The following SLC8A1 variants were observed in gnomAD, a reference collection of about 807,000 sequenced individuals.
SLC8A1 encodes sodium/calcium exchanger 1.
SLC8A1 carries 18 observed loss-of-function variants against 68.3 expected under a neutral mutation model. That is an observed-to-expected ratio of 0.26 (90% CI 0.18 to 0.39). The LOEUF (loss-of-function observed/expected upper bound fraction) is 0.39, where lower values mean the gene tolerates loss of function less well. SLC8A1 is among the 10% of genes least tolerant of loss of function. SLC8A1 has a pLI of 1.00. For missense variants in SLC8A1, 985 were observed against 1,156.7 expected (o/e 0.85, Z 2.15); for synonymous variants, 475 against 415.5 (o/e 1.14, Z -1.74).
At position 40,475,327 on chromosome 2, in the gene SLC8A1, G is replaced by C. The variant is rs184639882; in HGVS notation, c.-25+37022C>G. ...TTTTTGCATTTTTAGTAGAAATGGG[G>C]TTTCACCGTGTTAGCCAGGATGGTC... On this transcript the variant is annotated intron_variant, in intron 1 of 7. Coordinates refer to the SLC8A1 transcript ENST00000402441. Among the ~76,000 whole-genome samples, 580 of 151,938 alleles carry C rather than the reference G, an allele frequency of 3.8e-3. 3 individuals carry two copies. The highest frequency in any genetic ancestry group is 0.013 in the African/African-American group (556 of 41,442).
intron 7 of SLC8A1, among the ~76,000 whole-genome samples, chr2:40,121,727 C>A (rs183623879): frequency 6.6e-6 from 1 of 152,226 alleles, no homozygotes; most frequent in African/African-American, 2.4e-5. Flanking sequence ...TTTTATAATA[C>A]AACAGAGCCA....
intron 2 of SLC8A1, among the ~76,000 whole-genome samples, chr2:40,419,627 G>A (rs1353459952): frequency 6.6e-6 from 1 of 152,058 alleles, no homozygotes; most frequent in Non-Finnish European, 1.5e-5. Context: ...ACACTGAACT[G>A]AATAGCTCAT....
At chr2:40,408,694 A>G (rs1691146954) in intron 2 of SLC8A1, among the ~76,000 whole-genome samples, 1 of 152,190 alleles carries the variant, frequency 6.6e-6, no homozygotes, top group African/African-American at 2.4e-5. Flanking sequence ...CACACACAAC[A>G]GTGGTAAAAC....
chr2:40,164,089 T>A (rs2046138712), intron 5 of SLC8A1, among the ~76,000 whole-genome samples: 1 of 152,162 alleles, frequency 6.6e-6, no homozygotes, highest in Non-Finnish European at 1.5e-5. Flanking sequence ...CATATCCCAC[T>A]GCAGAACTGA....
At chr2:40,411,747 G>C (rs932730514) in intron 2 of SLC8A1, among the ~76,000 whole-genome samples, 1 of 151,854 alleles carries the variant, frequency 6.6e-6, no homozygotes, top group African/African-American at 2.4e-5. Flanking sequence ...TCACAAAAAA[G>C]CAAGAGTAAA....
At chr2:40,436,484 C>G (rs747383521) in intron 1 of SLC8A1, among the ~76,000 whole-genome samples, 5 of 152,160 alleles carry the variant, frequency 3.3e-5, no homozygotes, top group Non-Finnish European at 7.4e-5. Flanking sequence ...GCTGGAAAGA[C>G]TGATCTCCAG....
chr2:40,123,929 C>G (rs2037489608), intron 7 of SLC8A1, among the ~76,000 whole-genome samples: 1 of 152,210 alleles, frequency 6.6e-6, no homozygotes, highest in South Asian at 2.1e-4. Context: ...TCCTCTGACT[C>G]GCTTCTCCTC....
chr2:40,458,451 A>T (rs1703152757), intron 1 of SLC8A1, among the ~76,000 whole-genome samples: 2 of 152,194 alleles, frequency 1.3e-5, no homozygotes, highest in South Asian at 4.2e-4. Context: ...CGTCCCCTGT[A>T]AGGGGACTGG....
intron 1 of SLC8A1, among the ~76,000 whole-genome samples, chr2:40,511,101 G>C (rs1706696315): frequency 6.6e-6 from 1 of 152,086 alleles, no homozygotes; most frequent in Non-Finnish European, 1.5e-5. Flanking sequence ...TCCATGTCAT[G>C]TCTGTCATCA....
intron 2 of SLC8A1, among the ~76,000 whole-genome samples, chr2:40,341,370 T>G (rs1045831626): frequency 6.6e-6 from 1 of 152,214 alleles, no homozygotes; most frequent in African/African-American, 2.4e-5. Context: ...AACTTGGCCC[T>G]GACTAACTTC....
chr2:40,387,893 T>C (rs1424013818), intron 2 of SLC8A1, among the ~76,000 whole-genome samples: 2 of 136,214 alleles, frequency 1.5e-5, no homozygotes, highest in African/African-American at 2.8e-5. Flanking sequence ...GCCGAAATCA[T>C]GCCACTGCAC....
chr2:40,383,620 A>T (rs373662400), intron 2 of SLC8A1, among the ~76,000 whole-genome samples: 216 of 152,266 alleles, frequency 1.4e-3, no homozygotes, highest in African/African-American at 4.8e-3. Flanking sequence ...AATCTTAGAT[A>T]AAAAAATTTG....
At chr2:40,120,543 G>A (rs924188301) in intron 7 of SLC8A1, among the ~76,000 whole-genome samples, 1 of 152,104 alleles carries the variant, frequency 6.6e-6, no homozygotes, top group African/African-American at 2.4e-5. Context: ...TTTGGGTGGT[G>A]CACAGAATAC....
At chr2:40,175,376 C>A in intron 3 of SLC8A1, 95 bp from the exon 4 acceptor site, 1 of 1,268,356 alleles carries the variant, frequency 7.9e-7, no homozygotes, top group Non-Finnish European at 1.1e-6. Context: ...CCAGGCAGAT[C>A]TGATTACAGT....
At chr2:40,364,624 G>A (rs577034388) in intron 2 of SLC8A1, among the ~76,000 whole-genome samples, 8 of 151,378 alleles carry the variant, frequency 5.3e-5, no homozygotes, top group South Asian at 2.1e-4. Context: ...CCTTTTGTTC[G>A]GCAGATGAGA....
intron 2 of SLC8A1, among the ~76,000 whole-genome samples, chr2:40,310,610 C>G (rs1384335434): frequency 6.6e-6 from 1 of 152,114 alleles, no homozygotes; most frequent in East Asian, 1.9e-4. Context: ...AATATTTGCA[C>G]TGGAGAAAAA....
chr2:40,507,810 C>T (rs114641974), intron 1 of SLC8A1, among the ~76,000 whole-genome samples: 16 of 152,080 alleles, frequency 1.1e-4, no homozygotes, highest in African/African-American at 3.6e-4. Flanking sequence ...AATAGTAAAA[C>T]CTTCATACAT....
chr2:40,179,729 T>A (rs1414767709), intron 2 of SLC8A1, among the ~76,000 whole-genome samples: 1 of 152,218 alleles, frequency 6.6e-6, no homozygotes, highest in Admixed American at 6.5e-5. Context: ...GATCTTGTTT[T>A]TATTTTATTT....
intron 7 of SLC8A1, among the ~76,000 whole-genome samples, chr2:40,134,375 A>C (rs1309544561): frequency 6.6e-6 from 1 of 152,094 alleles, no homozygotes; most frequent in Non-Finnish European, 1.5e-5. Flanking sequence ...TACAGGTGTG[A>C]GCTACCGCAC....
Sources: allele counts gnomAD v4.1 joint callset (sites outside exome capture counted in the v4.1 genomes callset), GRCh38; gene constraint gnomAD v4.1.1; transcripts MANE v1.5; gene names NCBI Gene and HGNC (gene_info 2026-07-23, HGNC 2026-07-21).